The following MMP26 variants were observed in gnomAD, a reference collection of about 807,000 sequenced individuals.
MMP26 encodes matrix metalloproteinase-26.
MMP26 carries 33 observed loss-of-function variants against 31.0 expected under a neutral mutation model. That is an observed-to-expected ratio of 1.06 (90% CI 0.81 to 1.42). The LOEUF is 1.42. Ranked by LOEUF, MMP26 falls within the 40% of genes most tolerant of loss-of-function variation. The probability of loss-of-function intolerance (pLI) is 0.00; values close to 1 mark genes in which losing one functional copy is unlikely to be tolerated. For missense variants in MMP26, 347 were observed against 316.1 expected, an observed-to-expected ratio of 1.10 and a Z score of -0.74; for synonymous variants, 122 against 114.9, an observed-to-expected ratio of 1.06 and a Z score of -0.40.
chr11:4,791,464 C>T (rs1163980882), intron 2 of MMP26, among the ~76,000 whole-genome samples: 2 of 152,120 alleles, frequency 1.3e-5, no homozygotes, highest in Non-Finnish European at 2.9e-5. Flanking sequence ...GCCCTCATCT[C>T]TCCTGATCAA....
intron 2 of MMP26, among the ~76,000 whole-genome samples, chr11:4,925,788 A>G (rs61880594): frequency 3.3e-5 from 5 of 149,438 alleles, no homozygotes; most frequent in Non-Finnish European, 7.4e-5. Flanking sequence ...AAAAAAAATG[A>G]AGTAGGACAA....
At chr11:4,716,650 C>CTTTTTT (rs71050424) in intron 1 of MMP26, among the ~76,000 whole-genome samples, 733 of 65,044 alleles carry the variant, frequency 0.011, 164 homozygotes, top group African/African-American at 0.014. Flanking sequence ...TCTCTTACCT[C>CTTTTTT]TTTTTTTTTT....
intron 2 of MMP26, among the ~76,000 whole-genome samples, chr11:4,948,031 A>G (rs1846336538): frequency 8.0e-6 from 1 of 124,712 alleles, no homozygotes; most frequent in Non-Finnish European, 1.8e-5. Context: ...GTGTTATCCT[A>G]GATTTTATTC....
intron 2 of MMP26, among the ~76,000 whole-genome samples, chr11:4,802,187 A>G (rs1161717438): frequency 6.6e-6 from 1 of 152,184 alleles, no homozygotes; most frequent in Admixed American, 6.5e-5. Context: ...TAATGTCTAT[A>G]TTTGGGCTGG....
In MMP26 at chr11:4,943,911, A is replaced by G. The variant is rs79082905; in HGVS notation, c.-144-44157A>G. ...TTTGATACTCTTTTATGTGACATCT[A>G]TGTACAATATCCTGAAAGAATAAGA... On this transcript the variant is annotated intron_variant, in intron 2 of 7. Transcript: ENST00000380390. The G allele has an allele frequency of 9.4e-3, 4,098 of 435,888 alleles. 150 individuals are homozygous for G. Among genetic ancestry groups the G allele is most frequent in the African/African-American group, 0.075 (3,695 of 49,010 alleles). The allele number at this position is 435,888 out of a possible 1,614,324, so 27.0% of individuals were successfully genotyped here. A position where few individuals can be genotyped will look rare whatever the true frequency, so the allele number is the denominator to read the frequency against.
At chr11:4,825,339 A>G (rs1036232109) in intron 2 of MMP26, among the ~76,000 whole-genome samples, 1 of 152,130 alleles carries the variant, frequency 6.6e-6, no homozygotes, top group African/African-American at 2.4e-5. Context: ...TTATCACAGA[A>G]GATCTGTCAA....
intron 2 of MMP26, among the ~76,000 whole-genome samples, chr11:4,896,392 C>T (rs1371390061): frequency 2.0e-5 from 3 of 152,108 alleles, no homozygotes; most frequent in South Asian, 2.1e-4. Flanking sequence ...GCTCTGCCAC[C>T]CTCTGTAAAC....
At chr11:4,897,090 G>T (rs1850714988) in intron 2 of MMP26, among the ~76,000 whole-genome samples, 1 of 149,934 alleles carries the variant, frequency 6.7e-6, no homozygotes, top group South Asian at 2.1e-4. Context: ...TATATTTAAA[G>T]TATATGTATA....
chr11:4,795,830 AAGAGAGAGAGAGGGAGAGAGAGAG>A (rs1210485972), intron 2 of MMP26, among the ~76,000 whole-genome samples: 74 of 143,670 alleles, frequency 5.2e-4, no homozygotes, highest in African/African-American at 1.9e-3. Context: ...GGGAGAGAGA[AAGAGAGAGAGAGGGAGAGAGAGAG>A]AGAGAGAGAG....
intron 2 of MMP26, among the ~76,000 whole-genome samples, chr11:4,898,900 G>A (rs1403670927): frequency 6.6e-6 from 1 of 151,076 alleles, no homozygotes; most frequent in Non-Finnish European, 1.5e-5. Flanking sequence ...ACAACTGTAA[G>A]AATGTGAAGG....
intron 2 of MMP26, chr11:4,914,671 C>T: frequency 7.6e-7 from 1 of 1,310,896 alleles, no homozygotes; most frequent in Non-Finnish European, 1.1e-6. Context: ...AAAGGATAGG[C>T]AAACAAGGGC....
chr11:4,792,181 T>A (rs1218712767), intron 2 of MMP26, among the ~76,000 whole-genome samples: 2 of 146,142 alleles, frequency 1.4e-5, no homozygotes, highest in East Asian at 3.9e-4. Context: ...TACAAGTGTT[T>A]GACTCAAAAA....
At chr11:4,857,701 G>C (rs929785808) in intron 2 of MMP26, among the ~76,000 whole-genome samples, 1 of 152,134 alleles carries the variant, frequency 6.6e-6, no homozygotes, top group African/African-American at 2.4e-5. Context: ...TAGAAAAAGA[G>C]GGAATCCTCC....
intron 2 of MMP26, among the ~76,000 whole-genome samples, chr11:4,983,306 T>A (rs1176719318): frequency 6.6e-6 from 1 of 152,212 alleles, no homozygotes; most frequent in Non-Finnish European, 1.5e-5. Context: ...TCTCTTAGCA[T>A]TAGCTCAAAC....
intron 1 of MMP26, among the ~76,000 whole-genome samples, chr11:4,757,984 C>A (rs942436411): frequency 6.6e-6 from 1 of 152,016 alleles, no homozygotes; most frequent in African/African-American, 2.4e-5. Context: ...ACCATATGAT[C>A]CAGAAATTCT....
intron 2 of MMP26, among the ~76,000 whole-genome samples, chr11:4,917,227 G>C (rs766435086): frequency 6.6e-6 from 1 of 152,008 alleles, no homozygotes; most frequent in Non-Finnish European, 1.5e-5. Context: ...TCCTTAAAAA[G>C]CCTATGAATA....
intron 2 of MMP26, among the ~76,000 whole-genome samples, chr11:4,866,077 A>G (rs1326822119): frequency 2.6e-5 from 4 of 152,110 alleles, no homozygotes; most frequent in Non-Finnish European, 5.9e-5. Flanking sequence ...TTTAACAGCT[A>G]TTTCTGCCTC....
At chr11:4,918,862 A>G (rs1189792090) in intron 2 of MMP26, among the ~76,000 whole-genome samples, 1 of 152,232 alleles carries the variant, frequency 6.6e-6, no homozygotes, top group Non-Finnish European at 1.5e-5. Context: ...CCAAAGAGTC[A>G]GACTACTTCC....
chr11:4,719,257 A>G (rs1370868391), intron 1 of MMP26: 2 of 153,974 alleles, frequency 1.3e-5, no homozygotes, highest in African/African-American at 2.4e-5. Context: ...TTCTGTCTTT[A>G]TTGTCCTGTC....
Sources: allele counts gnomAD v4.1 joint callset (sites outside exome capture counted in the v4.1 genomes callset), GRCh38; gene constraint gnomAD v4.1.1; transcripts MANE v1.5; gene names NCBI Gene and HGNC (gene_info 2026-07-23, HGNC 2026-07-21).